KHDRBS2: variants seen among roughly 807,000 people sequenced by gnomAD.
KHDRBS2 encodes the protein KH domain-containing, RNA-binding, signal transduction-associated protein 2.
A neutral mutation model predicts 44.3 loss-of-function variants in KHDRBS2; 26 were observed. The ratio of observed to expected loss-of-function variants is 0.59; its 90% CI spans 0.43 to 0.81. KHDRBS2 has a LOEUF of 0.81. Ranked by LOEUF, KHDRBS2 falls within the 40% of genes least tolerant of loss-of-function variation. KHDRBS2 has a pLI of 0.00. For missense variants in KHDRBS2, 476 were observed against 433.1 expected (o/e 1.10, Z -0.88); for synonymous variants, 194 against 151.1 (o/e 1.28, Z -2.08).
chr6:61,566,827 G>A, the KHDRBS2 span, among the ~76,000 whole-genome samples: 9 of 152,152 alleles, frequency 5.9e-5, no homozygotes, highest in Admixed American at 1.3e-4. Context: ...CTTAGAGTAT[G>A]CATCAAAGAT....
intron 2 of KHDRBS2, among the ~76,000 whole-genome samples, chr6:62,114,055 C>T (rs1242816743): frequency 1.3e-5 from 2 of 151,996 alleles, no homozygotes; most frequent in African/African-American, 2.4e-5. Context: ...GGAAAATCCC[C>T]TTATAAAACC....
At chr6:62,281,801 A>G (rs183824310) in intron 1 of KHDRBS2, among the ~76,000 whole-genome samples, 165 of 152,216 alleles carry the variant, frequency 1.1e-3, no homozygotes, top group African/African-American at 3.8e-3. Context: ...AGGTGGAAAA[A>G]AAATGACACA....
intron 4 of KHDRBS2, among the ~76,000 whole-genome samples, chr6:61,953,464 C>T (rs1242025743): frequency 6.6e-6 from 1 of 151,854 alleles, no homozygotes; most frequent in Non-Finnish European, 1.5e-5. Context: ...ACCATCTAAA[C>T]TGAAAAAGGT....
At chr6:62,105,501 C>T (rs1431742369) in intron 2 of KHDRBS2, among the ~76,000 whole-genome samples, 3 of 152,062 alleles carry the variant, frequency 2.0e-5, no homozygotes, top group African/African-American at 7.2e-5. Context: ...CTGGTTTAGT[C>T]TTGGGAGGGT....
chr6:61,553,545 G>C, the KHDRBS2 span, among the ~76,000 whole-genome samples: 134 of 152,084 alleles, frequency 8.8e-4, 1 homozygote, highest in African/African-American at 3.1e-3. Flanking sequence ...TCTTCAACTA[G>C]CTTTGGGGTT....
At chr6:61,740,045 G>T (rs186480284) in intron 6 of KHDRBS2, among the ~76,000 whole-genome samples, 1 of 151,724 alleles carries the variant, frequency 6.6e-6, no homozygotes, top group Non-Finnish European at 1.5e-5. Flanking sequence ...GTTACTAGAA[G>T]ATATCAACAA....
At chr6:62,204,491 T>C (rs1393016632) in intron 1 of KHDRBS2, among the ~76,000 whole-genome samples, 1 of 152,166 alleles carries the variant, frequency 6.6e-6, no homozygotes, top group East Asian at 1.9e-4. Flanking sequence ...TACTTAAAGA[T>C]GAGCATCCAA....
Position 62,269,664 on chromosome 6 carries a change from A to G in KHDRBS2, c.91+16194T>C, listed in dbSNP as rs1013227609. On this transcript the variant is annotated intron_variant, in intron 1 of 8. Coordinates refer to ENST00000281156, the MANE Select transcript of KHDRBS2 (RefSeq NM_152688.4). ...CAGTGAGATAGTATAAGCATTCTAGAAAACTGTTTGGCAATTCCATATATT... is the reference window on the plus strand; with the variant it reads ...CAGTGAGATAGTATAAGCATTCTAGGAAACTGTTTGGCAATTCCATATATT... Among the ~76,000 whole-genome samples the G allele has an allele frequency of 1.3e-5, 2 of 152,116 alleles. 1 individual carries two copies. Among genetic ancestry groups the G allele is most frequent in the South Asian group, 4.1e-4 (2 of 4,834 alleles).
At chr6:61,980,562 T>C (rs887976151) in intron 3 of KHDRBS2, among the ~76,000 whole-genome samples, 1 of 152,204 alleles carries the variant, frequency 6.6e-6, no homozygotes, top group Non-Finnish European at 1.5e-5. Flanking sequence ...TTTGTTTTAA[T>C]AGACTTGTGA....
At chr6:61,697,306 C>G in intron 7 of KHDRBS2, 53 bp from the exon 8 acceptor site, 3 of 1,147,764 alleles carry the variant, frequency 2.6e-6, no homozygotes, top group Non-Finnish European at 4.0e-6. Flanking sequence ...AAATTCAACC[C>G]AGAAACTCAT....
intron 8 of KHDRBS2, among the ~76,000 whole-genome samples, chr6:61,683,621 T>C (rs909702268): frequency 3.4e-4 from 52 of 151,830 alleles, no homozygotes; most frequent in African/African-American, 1.2e-3. Flanking sequence ...ATATTTGTTA[T>C]AGAGTTAAAG....
At chr6:61,926,428 G>T (rs756364917) in intron 4 of KHDRBS2, among the ~76,000 whole-genome samples, 1 of 152,130 alleles carries the variant, frequency 6.6e-6, no homozygotes, top group Non-Finnish European at 1.5e-5. Flanking sequence ...TGAAAGACAA[G>T]AATTGAAAAG....
chr6:61,748,697 A>G (rs371915923), intron 6 of KHDRBS2, among the ~76,000 whole-genome samples: 23 of 152,294 alleles, frequency 1.5e-4, no homozygotes, highest in African/African-American at 4.6e-4. Flanking sequence ...GTATTATTCT[A>G]TTAACTATTT....
the KHDRBS2 span, among the ~76,000 whole-genome samples, chr6:61,604,899 C>T: frequency 6.6e-6 from 1 of 152,128 alleles, no homozygotes; most frequent in Non-Finnish European, 1.5e-5. Context: ...GCCTTCCCAC[C>T]TCTATACAGT....
At chr6:61,582,694 C>CT in the KHDRBS2 span, among the ~76,000 whole-genome samples, 21 of 150,142 alleles carry the variant, frequency 1.4e-4, no homozygotes, top group East Asian at 3.9e-4. Context: ...TATTATGTAA[C>CT]TTTTTTTTTT....
At chr6:61,925,690 C>G (rs1332952019) in intron 4 of KHDRBS2, among the ~76,000 whole-genome samples, 1 of 148,652 alleles carries the variant, frequency 6.7e-6, no homozygotes, top group Non-Finnish European at 1.5e-5. Flanking sequence ...CCACTGCACT[C>G]TAGCCTGGGC....
At chr6:61,572,472 C>T in the KHDRBS2 span, among the ~76,000 whole-genome samples, 1 of 151,954 alleles carries the variant, frequency 6.6e-6, no homozygotes, top group Non-Finnish European at 1.5e-5. Flanking sequence ...TTCTATAGAG[C>T]CAGTATCACC....
intron 8 of KHDRBS2, among the ~76,000 whole-genome samples, chr6:61,694,763 A>C (rs1767730044): frequency 6.6e-6 from 1 of 151,938 alleles, no homozygotes; most frequent in South Asian, 2.1e-4. Context: ...CCTTCCAATG[A>C]GTGGAAATTA....
At chr6:61,858,709 T>A (rs1403944271) in intron 6 of KHDRBS2, among the ~76,000 whole-genome samples, 7 of 151,906 alleles carry the variant, frequency 4.6e-5, no homozygotes, top group Non-Finnish European at 1.0e-4. Context: ...CACTATTTAT[T>A]GCCTGTAACT....
Sources: gnomAD v4.1 joint callset for allele counts (sites outside exome capture counted in the v4.1 genomes callset) on GRCh38, gnomAD v4.1.1 for gene constraint, MANE v1.5 for transcripts, NCBI Gene and HGNC (gene_info 2026-07-23, HGNC 2026-07-21) for gene names.